The following FBXO40 variants were observed in gnomAD, a reference collection of about 807,000 sequenced individuals.
The protein encoded by FBXO40 is F-box only protein 40.
In FBXO40, 50 loss-of-function variants were observed where a neutral mutation model predicts 49.9. The ratio of observed to expected loss-of-function variants is 1.00; its 90% CI spans 0.80 to 1.27. FBXO40 has a LOEUF of 1.27. Among genes scored for constraint, FBXO40 ranks in the 50% most tolerant of loss-of-function variants. The probability of loss-of-function intolerance (pLI) is 0.00; values close to 1 mark genes in which losing one functional copy is unlikely to be tolerated. For missense variants in FBXO40, 895 were observed against 870.1 expected, an observed-to-expected ratio of 1.03 and a Z score of -0.36; for synonymous variants, 340 against 320.2, an observed-to-expected ratio of 1.06 and a Z score of -0.66.
intron 1 of FBXO40, among the ~76,000 whole-genome samples, chr3:121,614,596 G>T (rs1005528913): frequency 2.0e-5 from 3 of 152,284 alleles, no homozygotes; most frequent in Non-Finnish European, 4.4e-5. Flanking sequence ...TTACTCCCAA[G>T]GAGTTAGTGG....
At chr3:121,614,644 A>AC (rs553378102) in intron 1 of FBXO40, among the ~76,000 whole-genome samples, 1 of 151,842 alleles carries the variant, frequency 6.6e-6, no homozygotes, top group African/African-American at 2.4e-5. Context: ...TTCCAAATAA[A>AC]CCCTGGGGCT....
chr3:121,596,717 G>A (rs1385837850), intron 1 of FBXO40, among the ~76,000 whole-genome samples: 2 of 152,046 alleles, frequency 1.3e-5, no homozygotes, highest in East Asian at 3.9e-4. Context: ...GCCCACTGAG[G>A]TCTTTTCTTC....
chr3:121,602,162 C>A (rs147659670), intron 1 of FBXO40, among the ~76,000 whole-genome samples: 1 of 152,180 alleles, frequency 6.6e-6, no homozygotes, highest in African/African-American at 2.4e-5. Flanking sequence ...CTGATCTCTC[C>A]GTCTCTGGTT....
At chr3:121,617,280 T>G (rs1057359764) in intron 1 of FBXO40, among the ~76,000 whole-genome samples, 1 of 152,154 alleles carries the variant, frequency 6.6e-6, no homozygotes, top group African/African-American at 2.4e-5. Context: ...ACCATAAATA[T>G]GCACAAATAC....
rs2049038392 is a variant in FBXO40, at chr3:121,622,441, A to G, written c.1012A>G (p.Lys338Glu). Residue 338 changes from lysine to glutamate, a missense_variant, in exon 3 of 4, where the codon AAG (lysine) becomes GAG (glutamate). Coordinates refer to ENST00000338040, the MANE Select transcript of FBXO40 (RefSeq NM_016298.4). ...TPKERDFVYG[K>E]LEAQEVKTVY... ...CAAGGAGAGAGACTTTGTTTATGGC[A>G]AGCTGGAGGCTCAGGAAGTTAAGAC... is the stretch of plus-strand genomic sequence containing the variant. 4 of 1,614,096 alleles carry G rather than the reference A, an allele frequency of 2.5e-6. No individual in the cohort carries two copies. Among genetic ancestry groups the G allele is most frequent in the Non-Finnish European group, 3.4e-6 (4 of 1,180,054 alleles).
intron 1 of FBXO40, among the ~76,000 whole-genome samples, chr3:121,594,131 G>A (rs964839532): frequency 4.6e-5 from 7 of 152,048 alleles, no homozygotes; most frequent in African/African-American, 1.7e-4. Context: ...GCCTCCAAAA[G>A]CGCTGGGATT....
chr3:121,597,180 A>G (rs1297256720), intron 1 of FBXO40, among the ~76,000 whole-genome samples: 1 of 152,176 alleles, frequency 6.6e-6, no homozygotes, highest in African/African-American at 2.4e-5. Context: ...CTCAAGGACC[A>G]CACTTTCCTT....
At chr3:121,624,657 G>A (rs573620470) in intron 3 of FBXO40, among the ~76,000 whole-genome samples, 1 of 152,196 alleles carries the variant, frequency 6.6e-6, no homozygotes, top group East Asian at 1.9e-4. Context: ...CCCCTGCATG[G>A]TTCCTCCCCT....
At chr3:121,597,222 C>G (rs1427544367) in intron 1 of FBXO40, among the ~76,000 whole-genome samples, 3 of 152,004 alleles carry the variant, frequency 2.0e-5, no homozygotes, top group Admixed American at 6.6e-5. Flanking sequence ...TGCAGATGAG[C>G]AAAAAAATTT....
chr3:121,626,666 C>A (rs1472103307), intron 3 of FBXO40, 29 bp from the exon 4 acceptor site: 1 of 1,605,814 alleles, frequency 6.2e-7, no homozygotes, highest in Non-Finnish European at 8.5e-7. Flanking sequence ...CCCCTATATT[C>A]ACCTTTGAAC....
chr3:121,626,211 C>T (rs2049060901), intron 3 of FBXO40, among the ~76,000 whole-genome samples: 1 of 152,170 alleles, frequency 6.6e-6, no homozygotes, highest in South Asian at 2.1e-4. Flanking sequence ...CCTCTACTTC[C>T]TCAATAATGG....
intron 1 of FBXO40, among the ~76,000 whole-genome samples, chr3:121,613,084 A>AAAG (rs1410422870): frequency 1.3e-5 from 2 of 151,472 alleles, no homozygotes; most frequent in Non-Finnish European, 2.9e-5. Context: ...AAAAAAAAAA[A>AAAG]AAAAATTCTC....
intron 1 of FBXO40, 121 bp from the exon 2 acceptor site, chr3:121,620,425 A>G: frequency 2.4e-6 from 2 of 826,320 alleles, no homozygotes; most frequent in Non-Finnish European, 3.8e-6. Context: ...GGAGATAAAG[A>G]CACCTCCAGG....
intron 3 of FBXO40, among the ~76,000 whole-genome samples, chr3:121,625,962 A>G (rs929043286): frequency 6.6e-6 from 1 of 152,246 alleles, no homozygotes; most frequent in African/African-American, 2.4e-5. Flanking sequence ...AGGTGGAAAG[A>G]CCAGAAGATA....
At chr3:121,624,136 A>G (rs1319079974) in intron 3 of FBXO40, among the ~76,000 whole-genome samples, 2 of 147,934 alleles carry the variant, frequency 1.4e-5, no homozygotes, top group African/African-American at 2.5e-5. Context: ...GATTACAGAC[A>G]TGCACCAACA....
At chr3:121,605,251 A>T (rs2048926101) in intron 1 of FBXO40, among the ~76,000 whole-genome samples, 1 of 152,102 alleles carries the variant, frequency 6.6e-6, no homozygotes, top group Non-Finnish European at 1.5e-5. Context: ...GGCTTTTTTA[A>T]ATAGTCTTTG....
intron 1 of FBXO40, among the ~76,000 whole-genome samples, chr3:121,617,366 C>T (rs1426734007): frequency 1.3e-5 from 2 of 151,980 alleles, no homozygotes; most frequent in African/African-American, 2.4e-5. Context: ...GAGGCTGAGG[C>T]GGGCGGATCA....
rs1313013746 is a variant in FBXO40, at chr3:121,599,169, T to A, written c.-31+5667T>A. On this transcript the variant is annotated intron_variant, in intron 1 of 3. Transcript: ENST00000338040. Reference sequence around the variant, plus strand: ...GCTTTTTCAGACAAGAAGCAAGAATTTAAATGTGAACACAGGGGCCAGGGG... The same window carrying A: ...GCTTTTTCAGACAAGAAGCAAGAATATAAATGTGAACACAGGGGCCAGGGG... 2.0e-5 allele frequency among the ~76,000 whole-genome samples: 3 copies of A among 152,070 alleles called. No homozygotes were observed. The East Asian group carries it at 5.8e-4, about 29-fold the overall frequency.
At chr3:121,609,426 A>AGTT (rs1188991320) in intron 1 of FBXO40, among the ~76,000 whole-genome samples, 1 of 150,086 alleles carries the variant, frequency 6.7e-6, no homozygotes, top group African/African-American at 2.5e-5. Context: ...GCCCTTTTGC[A>AGTT]GTTGTAGATT....
Sources: gnomAD v4.1 joint callset for allele counts (sites outside exome capture counted in the v4.1 genomes callset) on GRCh38, gnomAD v4.1.1 for gene constraint, MANE v1.5 for transcripts, NCBI Gene and HGNC (gene_info 2026-07-23, HGNC 2026-07-21) for gene names.